KRT6B: variants seen among roughly 807,000 people sequenced by gnomAD.
KRT6B encodes the protein keratin, type II cytoskeletal 6B.
A neutral mutation model predicts 44.7 loss-of-function variants in KRT6B; 29 were observed. That is an observed-to-expected ratio of 0.65 (90% CI 0.48 to 0.88). The LOEUF (loss-of-function observed/expected upper bound fraction) is 0.88, where lower values mean the gene tolerates loss of function less well. Among genes scored for constraint, KRT6B ranks in the 40% least tolerant of loss-of-function variants. The pLI, the probability that KRT6B is intolerant of heterozygous loss-of-function variation, is 0.00. For synonymous variants in KRT6B, 213 were observed against 296.0 expected (o/e 0.72, Z 2.88); for missense variants, 600 against 724.0 (o/e 0.83, Z 1.97).
At position 52,448,830 on chromosome 12, in the gene KRT6B, C is replaced by T; in HGVS notation, c.1203+12G>A. 1 of 1,614,142 alleles carries T rather than the reference C, an allele frequency of 6.2e-7. No individual in the cohort carries two copies. On this transcript the variant is annotated intron_variant, in intron 6 of 8. Coordinates refer to ENST00000252252, the MANE Select transcript of KRT6B (RefSeq NM_005555.4). ...AAATGATGCTTTTCTCCTCCATTGC[C>T]CCTCACCATACCTGCTTCTTGACGT...
chr12:52,450,520 A>G lies in KRT6B; in HGVS notation c.641T>C (p.Phe214Ser). The G allele has an allele frequency of 6.2e-7, 1 of 1,614,196 alleles. No individual in the cohort carries two copies. Among genetic ancestry groups the G allele is most frequent in the Non-Finnish European group, 8.5e-7 (1 of 1,180,050 alleles). ...CCTGAGGTTGTTGATGTACTGCTCG[A>G]ACAACGGCTCCAGGTTCTGCCTCAC... ...KTVRQNLEPL[F>S]EQYINNLRRQ... Residue 214 changes from phenylalanine to serine, a missense_variant, in exon 2 of 9, where the codon TTC (phenylalanine) becomes TCC (serine). Physicochemically the swap from Phe to Ser is radical, Grantham distance 155 (BLOSUM62 -2). Transcript: ENST00000252252.
chr12:52,447,127 G>A lies in KRT6B; in HGVS notation c.*63C>T, dbSNP rs1246048231. The A allele has an allele frequency of 6.2e-7, 1 of 1,602,596 alleles. No homozygotes were observed. Among genetic ancestry groups the A allele is most frequent in the Admixed American group, 1.7e-5 (1 of 59,636 alleles). The stretch of plus-strand genomic sequence containing the variant: ...GCCAGGGGAGGACAAGCAACCTGAG[G>A]AGAGGGCTCTGCTGCCAGAGAGGGG... On this transcript the variant is annotated 3_prime_UTR_variant, in exon 9 of 9. Transcript: ENST00000252252.
rs1404159869 is a variant in KRT6B, at chr12:52,449,504, T to C, written c.1042A>G (p.Ser348Gly). ...TACCAGGACTCAGCCTCAGCCCTGC[T>C]CCTCTGAGCAATCTCCTCATATTGG... ...KAQYEEIAQR[S>G]RAEAESWYQT... is the part of the protein sequence containing the mutation. Residue 348 changes from serine to glycine, a missense_variant, in exon 5 of 9, where the codon AGC (serine) becomes GGC (glycine). This residue lies in a region of KRT6B where 479 missense variants were observed against 454.2 expected (regional missense o/e 1.05). Transcript: ENST00000252252. The C allele has an allele frequency of 2.6e-5, 42 of 1,614,064 alleles. No individual in the cohort carries two copies. The highest frequency in any genetic ancestry group is 2.9e-5 in the Non-Finnish European group (34 of 1,180,032).
At chr12:52,448,122 C>A in intron 6 of KRT6B, 124 bp from the exon 7 acceptor site, 1 of 1,235,518 alleles carries the variant, frequency 8.1e-7, no homozygotes, top group African/African-American at 1.5e-5. Flanking sequence ...TGAGCTCTGA[C>A]TCTTCCTGTC....
intron 2 of KRT6B, 68 bp downstream of exon 2, chr12:52,450,338 C>A (rs1252454266): frequency 1.3e-6 from 2 of 1,564,210 alleles, no homozygotes; most frequent in African/African-American, 1.4e-5. Context: ...TGTTAGGAAT[C>A]CTACACACAT....
At chr12:52,447,641 A>C in intron 7 of KRT6B, 68 bp from the exon 8 acceptor site, 1 of 1,613,944 alleles carries the variant, frequency 6.2e-7, no homozygotes, top group Non-Finnish European at 8.5e-7. Flanking sequence ...AGTGGGTGGG[A>C]AAGTCCATGG....
At chr12:52,448,515 C>A (rs1404778411) in intron 6 of KRT6B, among the ~76,000 whole-genome samples, 1 of 152,152 alleles carries the variant, frequency 6.6e-6, no homozygotes, top group African/African-American at 2.4e-5. Context: ...GTTACTGATG[C>A]TTTCTGACCT....
At chr12:52,451,067 C>G (rs1199768479) in intron 1 of KRT6B, among the ~76,000 whole-genome samples, 2 of 151,882 alleles carry the variant, frequency 1.3e-5, no homozygotes, top group Non-Finnish European at 2.9e-5. Context: ...TGGTCATTCT[C>G]TGTTTTTAAA....
chr12:52,451,456 C>T, intron 1 of KRT6B, 83 bp downstream of exon 1: 1 of 1,612,564 alleles, frequency 6.2e-7, no homozygotes, highest in Non-Finnish European at 8.5e-7. Context: ...TCCCTCCCTC[C>T]TAGGGTCTCT....
At chr12:52,447,621 G>T in intron 7 of KRT6B, 48 bp from the exon 8 acceptor site, 1 of 1,614,014 alleles carries the variant, frequency 6.2e-7, no homozygotes, top group South Asian at 1.1e-5. Context: ...GGACGAGCAT[G>T]GGAAGCCTCA....
At chr12:52,448,606 A>G (rs1940349306) in intron 6 of KRT6B, among the ~76,000 whole-genome samples, 1 of 152,152 alleles carries the variant, frequency 6.6e-6, no homozygotes. Context: ...CCTCTAGACT[A>G]TACTTTTACA....
intron 1 of KRT6B, among the ~76,000 whole-genome samples, 198 bp from the exon 2 acceptor site, chr12:52,450,818 G>A (rs1426707269): frequency 6.6e-6 from 1 of 152,228 alleles, no homozygotes; most frequent in African/African-American, 2.4e-5. Context: ...ATTGTCCCAC[G>A]GACCACTGAG....
chr12:52,450,329 G>T, intron 2 of KRT6B, 77 bp downstream of exon 2: 3 of 1,539,366 alleles, frequency 1.9e-6, no homozygotes, highest in Non-Finnish European at 1.8e-6. Context: ...GACATGGGTT[G>T]TTAGGAATCC....
intron 6 of KRT6B, among the ~76,000 whole-genome samples, chr12:52,448,590 C>T (rs1392130441): frequency 2.0e-5 from 3 of 152,178 alleles, no homozygotes; most frequent in Non-Finnish European, 4.4e-5. Context: ...ATAAGCCCTT[C>T]CAATGCCTCT....
Position 52,446,739 on chromosome 12 carries a change from G to C in KRT6B, c.*451C>G, listed in dbSNP as rs907800771. ...TGCAGGAATGCAGACTGCATCAGAA[G>C]GTACATCACTTGCCATTCAGGGACA... On this transcript the variant is annotated 3_prime_UTR_variant, in exon 9 of 9. Transcript: ENST00000252252. The C allele has an allele frequency of 4.8e-6, 1 of 210,396 alleles. No individual in the cohort carries two copies. The highest frequency in any genetic ancestry group is 2.3e-5 in the African/African-American group (1 of 43,486). 13.0% of individuals were successfully genotyped at this position (210,396 alleles called of 1,614,324 possible). A position where few individuals can be genotyped will look rare whatever the true frequency, so the allele number is the denominator to read the frequency against.
intron 6 of KRT6B, 141 bp from the exon 7 acceptor site, chr12:52,448,139 T>A (rs1246214071): frequency 8.7e-7 from 1 of 1,148,290 alleles, no homozygotes; most frequent in Non-Finnish European, 1.3e-6. Flanking sequence ...TGTCTAGCCT[T>A]TTTACTGTCT....
In KRT6B at chr12:52,447,375, C is replaced by T. The variant is rs150021015; in HGVS notation, c.1510G>A (p.Gly504Ser). The part of the protein sequence containing the change: ...SSGYGGASGV[G>S]SGLGLGGGSS... ...CCTCCACCCAGGCCTAAGCCACTGC[C>T]GACACCGCTGGCACCGCCATAGCCA... is the stretch of plus-strand genomic sequence containing the variant. The change falls in exon 9 of 9, where the codon GGC (glycine) becomes AGC (serine). Residue 504 changes from glycine to serine, a missense_variant. This residue lies in a region of KRT6B where 479 missense variants were observed against 454.2 expected (regional missense o/e 1.05). Transcript: ENST00000252252. 7.3e-5 allele frequency: 118 copies of T among 1,613,964 alleles called. No individual in the cohort carries two copies. In the African/African-American group the frequency reaches 1.3e-3, roughly 18 times the overall value.
Position 52,447,424 on chromosome 12 carries a change from A to G in KRT6B, c.1461T>C (p.Ser487=). 6.2e-7 allele frequency: 1 copy of G among 1,614,056 alleles called. No homozygotes were observed. The highest frequency in any genetic ancestry group is 1.1e-5 in the South Asian group (1 of 91,074). Reference sequence around the variant, plus strand: ...CACTGGAGACGGTGGACTGCACTACAGCTGTGGTGGGGAGGGGACAAGGAC... The same window carrying G: ...CACTGGAGACGGTGGACTGCACTACGGCTGTGGTGGGGAGGGGACAAGGAC... The part of the protein sequence containing the change: ...NGEGVGQVNI[S]VVQSTVSSGY... The change falls in exon 9 of 9, where the codon TCT becomes TCC. Residue 487 remains serine, a splice_region_variant and synonymous_variant. Coordinates refer to ENST00000252252, the MANE Select transcript of KRT6B (RefSeq NM_005555.4).
At position 52,449,310 on chromosome 12, in the gene KRT6B, G is replaced by A. The variant is rs1486824776; in HGVS notation, c.1077+159C>T. Among the ~76,000 whole-genome samples, 25 of 152,262 alleles carry A rather than the reference G, an allele frequency of 1.6e-4. No homozygotes were observed. The South Asian group carries it at 3.3e-3, about 20-fold the overall frequency. On this transcript the variant is annotated intron_variant, in intron 5 of 8. Coordinates refer to ENST00000252252, the MANE Select transcript of KRT6B (RefSeq NM_005555.4). ...GGGTTGTTTTTCCTCCTTGACTTGG[G>A]CATAAGTTCCGCAAATGTCTACTCT...
Sources: allele counts gnomAD v4.1 joint callset (sites outside exome capture counted in the v4.1 genomes callset), GRCh38; gene constraint gnomAD v4.1.1; regional missense constraint gnomAD v4.1.1; transcripts MANE v1.5; gene names NCBI Gene and HGNC (gene_info 2026-07-23, HGNC 2026-07-21).